Variants in PIGL observed in about 807,000 individuals in gnomAD.
PIGL encodes the protein phosphatidylinositol glycan anchor biosynthesis class L.
PIGL carries 22 observed loss-of-function variants against 31.1 expected under a neutral mutation model. That is an observed-to-expected ratio of 0.71 (90% confidence interval 0.51 to 1.01). The LOEUF (loss-of-function observed/expected upper bound fraction) is 1.01. Among genes scored for constraint, PIGL ranks in the 50% least tolerant of loss-of-function variants. The pLI is 0.00. For missense variants in PIGL, 302 were observed against 315.9 expected (o/e 0.96, Z 0.33); for synonymous variants, 131 against 117.4 (o/e 1.12, Z -0.75).
At chr17:16,311,989 G>C (rs1367599823) in intron 3 of PIGL, among the ~76,000 whole-genome samples, 3 of 152,052 alleles carry the variant, frequency 2.0e-5, no homozygotes, top group Admixed American at 6.6e-5. Context: ...TCCCAGACGG[G>C]GTGGTGGCCG....
In PIGL at chr17:16,275,704, G is replaced by A. The variant is rs540823075; in HGVS notation, c.336-24184G>A. Among the ~76,000 whole-genome samples, 8 of 152,196 alleles carry A rather than the reference G, an allele frequency of 5.3e-5. No homozygotes were observed. In the South Asian group the frequency reaches 1.7e-3, roughly 32 times the overall value. ...TGCCTATTAGGGTCTCTTGTATTTG[G>A]GGTAGAGAGGAGCTCTGTCAGAAAG... is the stretch of plus-strand genomic sequence containing the variant. On this transcript the variant is annotated intron_variant, in intron 2 of 6. Coordinates refer to ENST00000225609, the MANE Select transcript of PIGL (RefSeq NM_004278.4).
intron 2 of PIGL, among the ~76,000 whole-genome samples, chr17:16,235,672 T>C (rs1183936294): frequency 6.6e-6 from 1 of 151,592 alleles, no homozygotes; most frequent in Non-Finnish European, 1.5e-5. Context: ...AGGCTGATCT[T>C]GAACTCCCGA....
chr17:16,255,278 T>C (rs548519160), intron 2 of PIGL, among the ~76,000 whole-genome samples: 46 of 152,354 alleles, frequency 3.0e-4, no homozygotes, highest in African/African-American at 1.1e-3. Context: ...TCTAAATGAA[T>C]ACTTAGGTTT....
intron 6 of PIGL, among the ~76,000 whole-genome samples, chr17:16,320,703 C>T (rs1176628013): frequency 2.6e-5 from 4 of 151,974 alleles, no homozygotes; most frequent in Non-Finnish European, 5.9e-5. Context: ...GGCACAATCT[C>T]GGCTCATTGC....
chr17:16,314,136 T>C (rs1320606428), intron 4 of PIGL, among the ~76,000 whole-genome samples: 1 of 152,232 alleles, frequency 6.6e-6, no homozygotes, highest in East Asian at 1.9e-4. Flanking sequence ...TGATATTTAT[T>C]TGCATTTTAC....
chr17:16,321,931 C>T (rs964397818), intron 6 of PIGL, among the ~76,000 whole-genome samples: 1 of 151,674 alleles, frequency 6.6e-6, no homozygotes. Flanking sequence ...ATCACAGGCA[C>T]ACGCCACCAC....
intron 2 of PIGL, among the ~76,000 whole-genome samples, chr17:16,253,964 C>T (rs527387095): frequency 5.3e-5 from 8 of 151,962 alleles, no homozygotes; most frequent in Non-Finnish European, 1.2e-4. Context: ...AAAAATAGGA[C>T]GTCCCAGTAC....
intron 3 of PIGL, among the ~76,000 whole-genome samples, chr17:16,311,819 C>G (rs1287040484): frequency 1.3e-5 from 2 of 152,168 alleles, no homozygotes; most frequent in Non-Finnish European, 2.9e-5. Context: ...AAGAATTTTT[C>G]TTAGTACAGA....
chr17:16,302,391 T>G (rs1394012104), intron 3 of PIGL, among the ~76,000 whole-genome samples: 3 of 152,062 alleles, frequency 2.0e-5, no homozygotes, highest in Non-Finnish European at 2.9e-5. Context: ...CCACACAGTT[T>G]GAAGTTCTCA....
At chr17:16,261,264 G>A (rs1166932467) in intron 2 of PIGL, among the ~76,000 whole-genome samples, 1 of 152,132 alleles carries the variant, frequency 6.6e-6, no homozygotes. Flanking sequence ...GGGCTGAGTG[G>A]GCAGAACAAA....
intron 1 of PIGL, among the ~76,000 whole-genome samples, chr17:16,222,593 C>T (rs1465803453): frequency 6.6e-6 from 1 of 151,844 alleles, no homozygotes; most frequent in African/African-American, 2.4e-5. Flanking sequence ...TTTCTCTGTT[C>T]TAAAACCGTT....
At chr17:16,282,144 T>C (rs377673147) in intron 2 of PIGL, 11 of 452,516 alleles carry the variant, frequency 2.4e-5, no homozygotes, top group Admixed American at 1.6e-4. Flanking sequence ...AGGGTCTTCC[T>C]GGGAATTAGC....
intron 2 of PIGL, among the ~76,000 whole-genome samples, chr17:16,235,947 G>A (rs9896275): frequency 1 from 151,426 of 152,148 alleles, 75,380 homozygotes; most frequent in Middle Eastern, 1. Flanking sequence ...AAAGACCCCC[G>A]TCAAACTTTC....
rs145650184 is a variant in PIGL, at chr17:16,302,730, G to A, written c.426+2752G>A. ...TTCTCCTGCCTCAGCCTTCTGAGTA[G>A]CTGGGACTACAGGTGCGCGCCACCA... On this transcript the variant is annotated intron_variant, in intron 3 of 6. Coordinates refer to ENST00000225609, the MANE Select transcript of PIGL (RefSeq NM_004278.4). Among the ~76,000 whole-genome samples the A allele has an allele frequency of 7.0e-4, 106 of 152,208 alleles. 4 individuals carry two copies. The East Asian group carries it at 0.019, about 28-fold the overall frequency.
chr17:16,255,671 C>A (rs1490290654), intron 2 of PIGL, among the ~76,000 whole-genome samples: 2 of 152,104 alleles, frequency 1.3e-5, no homozygotes, highest in African/African-American at 2.4e-5. Context: ...CAAAAAAGAC[C>A]ATAGCTTGCT....
chr17:16,269,661 A>C (rs572314810), intron 2 of PIGL, among the ~76,000 whole-genome samples: 242 of 147,892 alleles, frequency 1.6e-3, no homozygotes, highest in Non-Finnish European at 2.8e-3. Flanking sequence ...AAAAAAAAAA[A>C]AAAAATTAGA....
At chr17:16,247,660 A>G (rs529425721) in intron 2 of PIGL, among the ~76,000 whole-genome samples, 15 of 152,132 alleles carry the variant, frequency 9.9e-5, no homozygotes, top group Non-Finnish European at 1.9e-4. Flanking sequence ...TTTTGAGGTC[A>G]TTCTTCCCTT....
intron 2 of PIGL, among the ~76,000 whole-genome samples, chr17:16,238,272 A>G (rs1048156347): frequency 1.3e-5 from 2 of 151,830 alleles, no homozygotes; most frequent in Non-Finnish European, 2.9e-5. Flanking sequence ...TACTCAAAAC[A>G]GTAAATACTC....
chr17:16,313,588 TCA>T lies in PIGL; in HGVS notation c.471_472del (p.Ile158CysfsTer17), dbSNP rs749110977. 3 of 1,613,792 alleles carry T rather than the reference TCA, an allele frequency of 1.9e-6. No individual in the cohort carries two copies. The South Asian group carries it at 3.3e-5, about 18-fold the overall frequency. ...DAGGVSGHSNHIALYAAVRAL... is the reference protein window; with the variant it reads ...DAGGVSGHSNXIALYAAVRAL... ...CAGGGGGAGTAAGTGGCCACAGCAA[TCA>T]CATTGCTCTGTATGCAGCTGTGAGG... is the stretch of plus-strand genomic sequence containing the variant. On this transcript the variant is annotated frameshift_variant, in exon 4 of 7. Transcript: ENST00000225609. LOFTEE classifies it high-confidence loss of function.
Sources: gnomAD v4.1 joint callset for allele counts (sites outside exome capture counted in the v4.1 genomes callset) on GRCh38, gnomAD v4.1.1 for gene constraint, MANE v1.5 for transcripts, NCBI Gene and HGNC (gene_info 2026-07-23, HGNC 2026-07-21) for gene names.